The following PRKD1 variants were observed in gnomAD, a reference collection of about 807,000 sequenced individuals.
PRKD1 encodes serine/threonine-protein kinase D1.
In PRKD1, 63 loss-of-function variants were observed where a neutral mutation model predicts 95.9. That is an observed-to-expected ratio of 0.66 (90% CI 0.54 to 0.81). The LOEUF (loss-of-function observed/expected upper bound fraction) is 0.81. Among genes scored for constraint, PRKD1 ranks in the 30% least tolerant of loss-of-function variants. The probability of loss-of-function intolerance (pLI) is 0.00; values close to 1 mark genes in which losing one functional copy is unlikely to be tolerated. For missense variants in PRKD1, 1,048 were observed against 1,165.3 expected (o/e 0.90, Z 1.47); for synonymous variants, 425 against 423.1 (o/e 1.00, Z -0.05).
At chr14:29,775,467 TGGTCTTAGCAAAA>T (rs1299870433) in intron 1 of PRKD1, among the ~76,000 whole-genome samples, 1 of 152,134 alleles carries the variant, frequency 6.6e-6, no homozygotes, top group Non-Finnish European at 1.5e-5. Context: ...GCTTTTCCAG[TGGTCTTAGCAAAA>T]GGCACACCAG....
intron 1 of PRKD1, among the ~76,000 whole-genome samples, chr14:29,828,320 G>C (rs1891275125): frequency 6.6e-6 from 1 of 152,068 alleles, no homozygotes. Flanking sequence ...GAGAGAGGGA[G>C]CAAGAGAGAG....
Position 29,881,447 on chromosome 14 carries a change from C to T in PRKD1, c.264+45802G>A, listed in dbSNP as rs111780016. Among the ~76,000 whole-genome samples, 354 of 152,078 alleles carry T rather than the reference C, an allele frequency of 2.3e-3. 5 individuals are homozygous for T. Among genetic ancestry groups the T allele is most frequent in the African/African-American group, 8.1e-3 (335 of 41,412 alleles). On this transcript the variant is annotated intron_variant, in intron 1 of 17. Coordinates refer to ENST00000331968, the MANE Select transcript of PRKD1 (RefSeq NM_002742.3). ...TTTCTTCCCAGTCTCGGGTATGTCT[C>T]TATCAGCAGCGTGAAAATGGACTAA...
chr14:29,597,270 C>T (rs997314809), intron 16 of PRKD1, among the ~76,000 whole-genome samples: 5 of 152,002 alleles, frequency 3.3e-5, no homozygotes, highest in Admixed American at 2.6e-4. Context: ...TACCAAAATA[C>T]ATTCTCTCTG....
At chr14:29,819,052 A>G (rs1890804115) in intron 1 of PRKD1, among the ~76,000 whole-genome samples, 1 of 152,192 alleles carries the variant, frequency 6.6e-6, no homozygotes, top group Non-Finnish European at 1.5e-5. Flanking sequence ...AGAAAATACA[A>G]AGAAAGGCTG....
At chr14:29,616,512 T>C (rs1016717726) in intron 13 of PRKD1, among the ~76,000 whole-genome samples, 1 of 151,940 alleles carries the variant, frequency 6.6e-6, no homozygotes, top group African/African-American at 2.4e-5. Context: ...TGTGTGATCA[T>C]AGCTCACTGC....
At chr14:29,616,401 G>A (rs1448209670) in intron 13 of PRKD1, among the ~76,000 whole-genome samples, 3 of 151,560 alleles carry the variant, frequency 2.0e-5, no homozygotes, top group African/African-American at 7.3e-5. Context: ...GCTATGAGAC[G>A]CAGCCTAGAT....
At position 29,784,163 on chromosome 14, in the gene PRKD1, G is replaced by A. The variant is rs924908517; in HGVS notation, c.265-58489C>T. On this transcript the variant is annotated intron_variant, in intron 1 of 17. Transcript: ENST00000331968. ...ACTTTCTATATGGTGAAAGATAGGA[G>A]TCTAGTTTCATTCCTCTGCATATGA... 7.9e-5 allele frequency among the ~76,000 whole-genome samples: 12 copies of A among 152,258 alleles called. No homozygotes were observed. In the South Asian group the frequency reaches 2.3e-3, roughly 29 times the overall value.
chr14:29,707,743 A>T (rs186560496), intron 2 of PRKD1, among the ~76,000 whole-genome samples: 11 of 151,900 alleles, frequency 7.2e-5, no homozygotes, highest in African/African-American at 2.2e-4. Flanking sequence ...TGTATATGAA[A>T]CTCACTACTG....
chr14:29,791,345 C>T (rs1006565329), intron 1 of PRKD1, among the ~76,000 whole-genome samples: 1 of 152,064 alleles, frequency 6.6e-6, no homozygotes, highest in Non-Finnish European at 1.5e-5. Flanking sequence ...ACATAAAGTA[C>T]ACATATTTAA....
intron 1 of PRKD1, among the ~76,000 whole-genome samples, chr14:29,846,042 A>G (rs192167380): frequency 6.6e-6 from 1 of 152,320 alleles, no homozygotes; most frequent in African/African-American, 2.4e-5. Flanking sequence ...TTAAGGAAAT[A>G]TACTATACAT....
At chr14:29,660,202 A>G (rs746389780) in intron 4 of PRKD1, among the ~76,000 whole-genome samples, 2 of 152,184 alleles carry the variant, frequency 1.3e-5, no homozygotes, top group Non-Finnish European at 2.9e-5. Flanking sequence ...CCTTGTCATA[A>G]ATCAGCTGGT....
chr14:29,814,069 T>C (rs116435224), intron 1 of PRKD1, among the ~76,000 whole-genome samples: 2,009 of 152,356 alleles, frequency 0.013, 33 homozygotes, highest in African/African-American at 0.046. Context: ...ACTGAATTAA[T>C]GAATGGATAT....
At chr14:29,638,163 C>G in intron 6 of PRKD1, 2 of 279,588 alleles carry the variant, frequency 7.2e-6, no homozygotes, top group Admixed American at 4.8e-5. Context: ...AGAGCTATAA[C>G]TTGTAGGCAG....
At chr14:29,731,964 C>T (rs1047731301) in intron 1 of PRKD1, among the ~76,000 whole-genome samples, 17 of 151,764 alleles carry the variant, frequency 1.1e-4, no homozygotes, top group Non-Finnish European at 1.5e-4. Context: ...ACCTCCAACT[C>T]CTGGGTTCAA....
chr14:29,630,722 T>G lies in PRKD1; in HGVS notation c.1672+20A>C, dbSNP rs1354768241. On this transcript the variant is annotated intron_variant, in intron 10 of 17. Coordinates refer to ENST00000331968, the MANE Select transcript of PRKD1 (RefSeq NM_002742.3). ...GGCACATGATGAGCTTTGGGCTGGT[T>G]AGAAAACTGGCAGACTCACTGTGCA... 2.5e-6 allele frequency: 4 copies of G among 1,613,756 alleles called. No homozygotes were observed. The African/African-American group carries it at 5.3e-5, about 22-fold the overall frequency.
intron 1 of PRKD1, among the ~76,000 whole-genome samples, chr14:29,806,568 T>C (rs996591261): frequency 5.9e-5 from 9 of 152,172 alleles, no homozygotes; most frequent in Non-Finnish European, 1.0e-4. Flanking sequence ...ATAAAGTAGT[T>C]GTTTGGTTAG....
chr14:29,868,655 GAAGAA>G (rs1433575755), intron 1 of PRKD1, among the ~76,000 whole-genome samples: 2 of 152,086 alleles, frequency 1.3e-5, no homozygotes, highest in Admixed American at 1.3e-4. Context: ...CAAAAATAAT[GAAGAA>G]GAGAAATAGG....
chr14:29,758,959 G>A (rs772365762), intron 1 of PRKD1, among the ~76,000 whole-genome samples: 5 of 152,140 alleles, frequency 3.3e-5, no homozygotes, highest in Admixed American at 1.3e-4. Context: ...CTATACTTAC[G>A]AACTCCCAAT....
intron 1 of PRKD1, among the ~76,000 whole-genome samples, chr14:29,906,491 T>C (rs769233460): frequency 6.6e-6 from 1 of 151,908 alleles, no homozygotes; most frequent in Non-Finnish European, 1.5e-5. Flanking sequence ...TGAGCCATGA[T>C]TGCACGTCCC....
Sources: gnomAD v4.1 joint callset for allele counts (sites outside exome capture counted in the v4.1 genomes callset) on GRCh38, gnomAD v4.1.1 for gene constraint, MANE v1.5 for transcripts, NCBI Gene and HGNC (gene_info 2026-07-23, HGNC 2026-07-21) for gene names.